Variants in PRG3 observed in about 807,000 individuals in gnomAD.
PRG3 encodes the protein proteoglycan 3.
PRG3 carries 25 observed loss-of-function variants against 26.1 expected under a neutral mutation model. The ratio of observed to expected loss-of-function variants is 0.96; its 90% CI spans 0.70 to 1.34. The LOEUF (loss-of-function observed/expected upper bound fraction) is 1.34. Ranked by LOEUF, PRG3 falls within the 40% of genes most tolerant of loss-of-function variation. The pLI, the probability that PRG3 is intolerant of heterozygous loss-of-function variation, is 0.00. For missense variants in PRG3, 280 were observed against 264.8 expected, an observed-to-expected ratio of 1.06 and a Z score of -0.40; for synonymous variants, 111 against 100.4, an observed-to-expected ratio of 1.11 and a Z score of -0.63.
rs767304911 is a variant in PRG3 at position 57,377,850 on chromosome 11, AG to A, written c.508-15del. 1.9e-6 allele frequency: 3 copies of A among 1,602,698 alleles called. No homozygotes were observed. The highest frequency in any genetic ancestry group is 1.1e-5 in the South Asian group (1 of 90,762). On this transcript the variant is annotated splice_polypyrimidine_tract_variant and intron_variant, in intron 4 of 5. Transcript: ENST00000287143. ...CTTCCACAGGAACTAGAGAAGTGAC[AG>A]GCTAGGTCAGAGGGCAGAAGTTCAG...
chr11:57,379,355 C>T (rs1480063256), intron 3 of PRG3, 139 bp downstream of exon 3: 5 of 895,608 alleles, frequency 5.6e-6, no homozygotes, highest in East Asian at 2.4e-5. Context: ...GCCCAGAAAG[C>T]TGTGTTTTAA....
At position 57,378,263 on chromosome 11, in the gene PRG3, GA is replaced by G. The variant is rs532101046; in HGVS notation, c.507+417del. Among the ~76,000 whole-genome samples the G allele has an allele frequency of 2.7e-3, 414 of 151,736 alleles. 1 individual carries two copies. The highest frequency in any genetic ancestry group is 4.6e-3 in the Non-Finnish European group (315 of 67,868). On this transcript the variant is annotated intron_variant, in intron 4 of 5. Coordinates refer to ENST00000287143, the MANE Select transcript of PRG3 (RefSeq NM_006093.4). ...GAAGAAGGTCCCCATTTCAGGGATT[GA>G]AAAAAAACAGAGGCTCCAAGAAACC... is the stretch of plus-strand genomic sequence containing the variant.
chr11:57,380,323 C>A (rs550064098), intron 2 of PRG3, among the ~76,000 whole-genome samples: 2 of 152,102 alleles, frequency 1.3e-5, no homozygotes, highest in Admixed American at 1.3e-4. Flanking sequence ...TTGCTTGAAC[C>A]CGGGAGGCGG....
chr11:57,378,552 T>C (rs1404710429), intron 4 of PRG3, 129 bp downstream of exon 4: 32 of 1,257,152 alleles, frequency 2.5e-5, no homozygotes, highest in Non-Finnish European at 7.8e-6. Context: ...GTACAAGCCA[T>C]CTCCAGCACA....
chr11:57,380,177 G>A (rs1856984822), intron 2 of PRG3, among the ~76,000 whole-genome samples: 1 of 152,124 alleles, frequency 6.6e-6, no homozygotes, highest in Non-Finnish European at 1.5e-5. Context: ...CGGGGCGGGC[G>A]AATCACAAGG....
At position 57,379,811 on chromosome 11, in the gene PRG3, G is replaced by A. The variant is rs1269231627; in HGVS notation, c.62-4C>T. On this transcript the variant is annotated splice_region_variant and splice_polypyrimidine_tract_variant and intron_variant, in intron 2 of 5. Transcript: ENST00000287143. ...TCCAGATGGGGGGCATCATTCTCTG[G>A]GAAGAAGAGGTAACCTGCCATCAGG... 6.3e-7 allele frequency: 1 copy of A among 1,599,606 alleles called. No homozygotes were observed. The highest frequency in any genetic ancestry group is 1.7e-5 in the Admixed American group (1 of 58,734).
chr11:57,376,957 T>C (rs1249785260), intron 5 of PRG3, 49 bp from the exon 6 acceptor site: 1 of 1,603,102 alleles, frequency 6.2e-7, no homozygotes, highest in Admixed American at 1.7e-5. Flanking sequence ...GGGTCTGGCC[T>C]GGGCTTCACC....
In PRG3 at chr11:57,380,637, G is replaced by A. The variant is rs757250284; in HGVS notation, c.61+11C>T. 5.8e-6 allele frequency: 9 copies of A among 1,563,924 alleles called. 1 individual carries two copies. In the South Asian group the frequency reaches 8.4e-5, roughly 15 times the overall value. Reference sequence around the variant, plus strand: ...GGGAAAGACGCATGAGGAGGGAAGGGAGAGACTTACCCAGATGAAGAGCAG... The same window carrying A: ...GGGAAAGACGCATGAGGAGGGAAGGAAGAGACTTACCCAGATGAAGAGCAG... On this transcript the variant is annotated intron_variant, in intron 2 of 5. Transcript: ENST00000287143.
At chr11:57,377,867 A>T (rs569142065) in intron 4 of PRG3, 31 bp from the exon 5 acceptor site, 4 of 1,572,598 alleles carry the variant, frequency 2.5e-6, no homozygotes, top group African/African-American at 2.7e-5. Flanking sequence ...GTCAGAGGGC[A>T]GAAGTTCAGA....
intron 4 of PRG3, among the ~76,000 whole-genome samples, chr11:57,378,203 A>C (rs1856962518): frequency 6.6e-6 from 1 of 152,088 alleles, no homozygotes; most frequent in Non-Finnish European, 1.5e-5. Flanking sequence ...ATATAATGCC[A>C]CTTATTCACC....
In PRG3 at chr11:57,376,883, G is replaced by T. The variant is rs115707133; in HGVS notation, c.645C>A (p.Cys215Ter). Residue 215 changes from cysteine (C) to a stop codon, truncating the protein, a stop_gained, in exon 6 of 6, where the codon TGC becomes TGA. Coordinates refer to ENST00000287143, the MANE Select transcript of PRG3 (RefSeq NM_006093.4). LOFTEE classifies it high-confidence loss of function. The stretch of plus-strand genomic sequence containing the variant: ...AGCAGACGAAGGGCAGTTGCTTGTC[G>T]CATTGAGCTCGTCGCCAATAACCTC... ...TKGGYWRRAQ[C>*]DKQLPFVCSF is the part of the protein sequence containing the mutation. The T allele has an allele frequency of 5.6e-4, 905 of 1,612,396 alleles. 9 individuals are homozygous for T. The East Asian group carries it at 0.018, about 32-fold the overall frequency.
intron 4 of PRG3, 130 bp from the exon 5 acceptor site, chr11:57,377,966 T>C: frequency 4.4e-6 from 3 of 682,146 alleles, no homozygotes; most frequent in South Asian, 3.7e-5. Flanking sequence ...TTCCTAAGAG[T>C]TTCCAGGCAA....
At chr11:57,378,199 T>C (rs1856962446) in intron 4 of PRG3, among the ~76,000 whole-genome samples, 1 of 152,056 alleles carries the variant, frequency 6.6e-6, no homozygotes. Context: ...CCAAATATAA[T>C]GCCACTTATT....
chr11:57,377,702 G>T, intron 5 of PRG3, 23 bp downstream of exon 5: 1 of 1,579,180 alleles, frequency 6.3e-7, no homozygotes, highest in Non-Finnish European at 8.7e-7. Flanking sequence ...CCTTCTCCCT[G>T]CCCTGGTGCC....
In PRG3 at chr11:57,380,780, C is replaced by T. The variant is rs750414473; in HGVS notation, c.-72G>A. On this transcript the variant is annotated splice_region_variant and 5_prime_UTR_variant, in exon 2 of 6. Coordinates refer to ENST00000287143, the MANE Select transcript of PRG3 (RefSeq NM_006093.4). ...GCTGTCTTTGTGTGTCTAGTATAGC[C>T]CCTGGCACATAGTATAGAGGGAATA... is the stretch of plus-strand genomic sequence containing the variant. 1.9e-6 allele frequency: 2 copies of T among 1,074,600 alleles called. No individual in the cohort carries two copies. Among genetic ancestry groups the T allele is most frequent in the East Asian group, 3.0e-5 (1 of 33,104 alleles). 66.6% of individuals were successfully genotyped at this position (1,074,600 alleles called of 1,614,324 possible).
intron 2 of PRG3, 25 bp downstream of exon 2, chr11:57,380,623 A>C: frequency 1.3e-6 from 2 of 1,545,378 alleles, no homozygotes; most frequent in South Asian, 1.2e-5. Flanking sequence ...GGAAAGACGC[A>C]TGAGGAGGGA....
intron 3 of PRG3, 34 bp downstream of exon 3, chr11:57,379,460 C>T (rs768804810): frequency 9.0e-6 from 14 of 1,547,140 alleles, no homozygotes; most frequent in Non-Finnish European, 1.2e-5. Context: ...CTCTTTTCCC[C>T]CAGGTCCTCC....
chr11:57,380,044 A>G (rs1057289590), intron 2 of PRG3, among the ~76,000 whole-genome samples: 1 of 152,244 alleles, frequency 6.6e-6, no homozygotes, highest in African/African-American at 2.4e-5. Context: ...AGCACGTGTG[A>G]GAAGCCTGGG....
intron 2 of PRG3, 85 bp from the exon 3 acceptor site, chr11:57,379,892 T>G: frequency 8.2e-7 from 1 of 1,225,290 alleles, no homozygotes; most frequent in African/African-American, 1.5e-5. Context: ...CGCTCGAGCT[T>G]TCCTAGGAAT....
Sources: allele counts gnomAD v4.1 joint callset (sites outside exome capture counted in the v4.1 genomes callset), GRCh38; gene constraint gnomAD v4.1.1; transcripts MANE v1.5; gene names NCBI Gene and HGNC (gene_info 2026-07-23, HGNC 2026-07-21).